The following ABCA13 variants were observed in gnomAD, a reference collection of about 807,000 sequenced individuals.
The protein encoded by ABCA13 is ATP-binding cassette sub-family A member 13.
ABCA13 carries 476 observed loss-of-function variants against 478.7 expected under a neutral mutation model. That is an observed-to-expected ratio of 0.99 (90% CI 0.92 to 1.07). The LOEUF is 1.07. Among genes scored for constraint, ABCA13 ranks in the 50% least tolerant of loss-of-function variants. The pLI is 0.00. For missense variants in ABCA13, 6,060 were observed against 5,910.6 expected, an observed-to-expected ratio of 1.03 and a Z score of -0.83; for synonymous variants, 2,252 against 2,158.9, an observed-to-expected ratio of 1.04 and a Z score of -1.20.
intron 42 of ABCA13, among the ~76,000 whole-genome samples, chr7:48,447,467 T>C (rs756148561): frequency 6.6e-6 from 1 of 152,190 alleles, no homozygotes; most frequent in Non-Finnish European, 1.5e-5. Flanking sequence ...AATCATGACT[T>C]TACTTTGTTA....
At chr7:48,179,782 C>T (rs1489258804) in intron 1 of ABCA13, among the ~76,000 whole-genome samples, 1 of 152,188 alleles carries the variant, frequency 6.6e-6, no homozygotes, top group Non-Finnish European at 1.5e-5. Flanking sequence ...CCGGCAGGTC[C>T]TGAGAGCACA....
At chr7:48,321,097 C>T (rs551933635) in intron 27 of ABCA13, among the ~76,000 whole-genome samples, 8 of 152,202 alleles carry the variant, frequency 5.3e-5, no homozygotes, top group African/African-American at 1.4e-4. Context: ...TGGTTCAAAC[C>T]GGGGTGGGGT....
chr7:48,515,844 T>A (rs1356493119), intron 51 of ABCA13, among the ~76,000 whole-genome samples: 1 of 152,168 alleles, frequency 6.6e-6, no homozygotes, highest in African/African-American at 2.4e-5. Flanking sequence ...TGATTCTCAA[T>A]ATAATGAATA....
chr7:48,403,912 C>T (rs761076767), intron 39 of ABCA13, 33 bp downstream of exon 39: 6 of 1,592,596 alleles, frequency 3.8e-6, no homozygotes, highest in Non-Finnish European at 5.1e-6. Context: ...CCTTCTCTTC[C>T]CACAATATTG....
chr7:48,507,929 C>T lies in ABCA13; in HGVS notation c.13404C>T (p.Ile4468=), dbSNP rs750287902. Residue 4468 remains isoleucine, a synonymous_variant, in exon 50 of 62, where the codon ATC becomes ATT. Coordinates refer to ENST00000435803, the MANE Select transcript of ABCA13 (RefSeq NM_152701.5). ...TCTGCATCGTGCTGGGATTCTCCATCCTGTCTGCATCCATCGGCAGCTCTG... is the reference window on the plus strand; with the variant it reads ...TCTGCATCGTGCTGGGATTCTCCATTCTGTCTGCATCCATCGGCAGCTCTG... The part of the protein sequence containing the change: ...VALCIVLGFS[I]LSASIGSSVV... 22 of 1,613,294 alleles carry T rather than the reference C, an allele frequency of 1.4e-5. No homozygotes were observed. In the East Asian group the frequency reaches 4.7e-4, roughly 34 times the overall value.
intron 48 of ABCA13, among the ~76,000 whole-genome samples, chr7:48,501,120 A>G (rs67163301): frequency 0.14 from 20,860 of 152,082 alleles, 1,828 homozygotes; most frequent in African/African-American, 0.23. Flanking sequence ...TTGGCCTGAC[A>G]GGGGCAGGCT....
chr7:48,359,798 C>G (rs1203493725), intron 31 of ABCA13, among the ~76,000 whole-genome samples: 1 of 152,018 alleles, frequency 6.6e-6, no homozygotes, highest in Non-Finnish European at 1.5e-5. Flanking sequence ...GTGGTTCTTT[C>G]TATAGTAAGA....
chr7:48,407,272 G>A (rs938935424), intron 39 of ABCA13, among the ~76,000 whole-genome samples: 1 of 151,902 alleles, frequency 6.6e-6, no homozygotes, highest in Non-Finnish European at 1.5e-5. Context: ...TCAGGAGTTC[G>A]AGACCAGCCT....
intron 42 of ABCA13, among the ~76,000 whole-genome samples, chr7:48,429,039 A>ATATAAATACATACTATG (rs1274704824): frequency 2.0e-5 from 3 of 152,254 alleles, no homozygotes; most frequent in South Asian, 4.1e-4. Flanking sequence ...ATGGAATCAT[A>ATATAAATACATACTATG]GTATGTGTGG....
intron 46 of ABCA13, among the ~76,000 whole-genome samples, chr7:48,482,174 G>A (rs543527020): frequency 5.3e-5 from 8 of 152,058 alleles, no homozygotes; most frequent in African/African-American, 1.9e-4. Context: ...AGATAAACCA[G>A]CAAATAGACA....
intron 5 of ABCA13, among the ~76,000 whole-genome samples, chr7:48,226,634 T>C (rs552456205): frequency 6.6e-6 from 1 of 152,290 alleles, no homozygotes; most frequent in South Asian, 2.1e-4. Context: ...TAGTTGTTAC[T>C]GGGATGTCAT....
At chr7:48,630,654 T>C (rs1268057425) in intron 59 of ABCA13, among the ~76,000 whole-genome samples, 1 of 152,208 alleles carries the variant, frequency 6.6e-6, no homozygotes, top group Non-Finnish European at 1.5e-5. Context: ...TGATTTGTAT[T>C]CCTTTGGGTA....
intron 50 of ABCA13, 99 bp from the exon 51 acceptor site, chr7:48,510,985 A>G (rs1831629380): frequency 3.0e-6 from 3 of 985,000 alleles, no homozygotes; most frequent in South Asian, 1.5e-5. Flanking sequence ...AATAGGAAAT[A>G]TATTTGTGAA....
chr7:48,221,383 G>T, intron 5 of ABCA13, 74 bp downstream of exon 5: 2 of 744,438 alleles, frequency 2.7e-6, no homozygotes, highest in Non-Finnish European at 2.1e-6. Flanking sequence ...CTGTTTTTAA[G>T]TTTACATTTT....
intron 55 of ABCA13, among the ~76,000 whole-genome samples, chr7:48,545,750 T>G (rs1438783777): frequency 1.4e-5 from 2 of 145,300 alleles, no homozygotes; most frequent in Non-Finnish European, 3.0e-5. Context: ...GAGAATAGAT[T>G]TGAAAAAAAA....
chr7:48,347,200 A>G (rs1808254443), intron 29 of ABCA13, among the ~76,000 whole-genome samples: 1 of 152,212 alleles, frequency 6.6e-6, no homozygotes, highest in African/African-American at 2.4e-5. Context: ...CATGGAATAA[A>G]CATGATGAAA....
chr7:48,230,242 T>C (rs1274882720), intron 7 of ABCA13, among the ~76,000 whole-genome samples: 1 of 152,216 alleles, frequency 6.6e-6, no homozygotes, highest in African/African-American at 2.4e-5. Context: ...CTTTATTTCA[T>C]CTAATATTAG....
chr7:48,470,409 G>A (rs923310983), intron 44 of ABCA13, among the ~76,000 whole-genome samples: 1 of 152,116 alleles, frequency 6.6e-6, no homozygotes, highest in African/African-American at 2.4e-5. Flanking sequence ...CATCATCTAA[G>A]GCATCTGAAG....
At chr7:48,315,502 C>T (rs942336861) in intron 26 of ABCA13, among the ~76,000 whole-genome samples, 69 of 148,484 alleles carry the variant, frequency 4.6e-4, no homozygotes, top group African/African-American at 1.5e-3. Flanking sequence ...TTTTTTGAGA[C>T]GGAGTCTTGC....
Sources: allele counts gnomAD v4.1 joint callset (sites outside exome capture counted in the v4.1 genomes callset), GRCh38; gene constraint gnomAD v4.1.1; transcripts MANE v1.5; gene names NCBI Gene and HGNC (gene_info 2026-07-23, HGNC 2026-07-21).